Variants in SLC41A3 observed in about 807,000 individuals in gnomAD.
SLC41A3 encodes the protein solute carrier family 41 member 3, also known as SLC41A1-like 2.
SLC41A3 carries 44 observed loss-of-function variants against 45.4 expected under a neutral mutation model. The ratio of observed to expected loss-of-function variants is 0.97; its 90% CI spans 0.76 to 1.25. The LOEUF (loss-of-function observed/expected upper bound fraction) is 1.25, where lower values mean the gene tolerates loss of function less well. SLC41A3 is among the 50% of genes most tolerant of loss of function. SLC41A3 has a pLI of 0.00. For synonymous variants in SLC41A3, 256 were observed against 252.4 expected (o/e 1.01, Z -0.13); for missense variants, 550 against 600.6 (o/e 0.92, Z 0.88).
chr3:126,074,140 A>G (rs527832845), intron 1 of SLC41A3, among the ~76,000 whole-genome samples: 7 of 152,222 alleles, frequency 4.6e-5, no homozygotes, highest in African/African-American at 1.2e-4. Flanking sequence ...CTTTCACGAT[A>G]AAAACACTTT....
intron 2 of SLC41A3, among the ~76,000 whole-genome samples, chr3:126,062,161 T>C (rs1245902929): frequency 6.6e-6 from 1 of 152,216 alleles, no homozygotes; most frequent in Non-Finnish European, 1.5e-5. Flanking sequence ...ATATGGCTCA[T>C]TCCTAAACCT....
chr3:126,067,376 TA>T (rs1944404118), intron 2 of SLC41A3: 2 of 164,994 alleles, frequency 1.2e-5, no homozygotes, highest in African/African-American at 4.8e-5. Flanking sequence ...ACACAGCCTT[TA>T]AGAGGTAATT....
chr3:126,088,960 T>C (rs1488370223), upstream of SLC41A3, among the ~76,000 whole-genome samples: 4 of 152,210 alleles, frequency 2.6e-5, no homozygotes, highest in African/African-American at 7.2e-5. Context: ...GTTAGTCTAG[T>C]GGACCAGATA....
intron 3 of SLC41A3, among the ~76,000 whole-genome samples, chr3:126,040,091 G>A (rs1391698528): frequency 6.6e-6 from 1 of 152,226 alleles, no homozygotes; most frequent in African/African-American, 2.4e-5. Flanking sequence ...CCCAAGAGCG[G>A]GTGGGGCATG....
chr3:126,040,881 C>G (rs1425078202), intron 3 of SLC41A3, among the ~76,000 whole-genome samples: 1 of 152,140 alleles, frequency 6.6e-6, no homozygotes, highest in East Asian at 1.9e-4. Flanking sequence ...CCACAAGCCT[C>G]TGAGTTTGAA....
In SLC41A3 at chr3:126,028,329, C is replaced by T. The variant is rs554266139; in HGVS notation, c.454-1850G>A. ...GCCTCAGGACACTCTGTCCCATGTC[C>T]CAGTCGCTCAAGCTCCAGTCATGGC... On this transcript the variant is annotated intron_variant, in intron 4 of 10. Transcript: ENST00000360370. Among the ~76,000 whole-genome samples, 83 of 77,964 alleles carry T rather than the reference C, an allele frequency of 1.1e-3. 2 individuals are homozygous for T. The South Asian group carries it at 0.029, about 28-fold the overall frequency. The allele number at this position is 77,964 out of a possible 152,430, so 51.1% of individuals were successfully genotyped here. A position where few individuals can be genotyped will look rare whatever the true frequency, so the allele number is the denominator to read the frequency against.
chr3:126,059,298 G>GAAAGAAAGA (rs1559869997), intron 2 of SLC41A3, among the ~76,000 whole-genome samples: 12 of 126,974 alleles, frequency 9.5e-5, no homozygotes, highest in South Asian at 2.5e-4. Flanking sequence ...AAGAAAGAAA[G>GAAAGAAAGA]AAAGAAAGAA....
chr3:126,071,474 A>C (rs1944613530), intron 1 of SLC41A3, among the ~76,000 whole-genome samples: 1 of 152,250 alleles, frequency 6.6e-6, no homozygotes, highest in East Asian at 1.9e-4. Context: ...CTCACTTCCA[A>C]CAATTGATAA....
At chr3:126,047,809 A>G (rs1943061588) in intron 3 of SLC41A3, among the ~76,000 whole-genome samples, 1 of 152,216 alleles carries the variant, frequency 6.6e-6, no homozygotes, top group Admixed American at 6.5e-5. Flanking sequence ...CATAGGCAAA[A>G]AGTTTCAAGG....
intron 3 of SLC41A3, among the ~76,000 whole-genome samples, chr3:126,037,185 C>T (rs1257511818): frequency 1.3e-5 from 2 of 152,152 alleles, no homozygotes; most frequent in Non-Finnish European, 1.5e-5. Context: ...CTAGCACCTC[C>T]TTCCCTTCTC....
chr3:126,032,250 C>T (rs1941852442), intron 4 of SLC41A3, among the ~76,000 whole-genome samples: 1 of 152,184 alleles, frequency 6.6e-6, no homozygotes, highest in Non-Finnish European at 1.5e-5. Context: ...AAAGGCCACC[C>T]AGGTGGCCAG....
At chr3:126,095,426 A>G in intron 1 of SLC41A3, 1 of 488,518 alleles carries the variant, frequency 2.0e-6, no homozygotes, top group Non-Finnish European at 3.6e-6. Context: ...AAAGCGAGAC[A>G]GCCAGTCACA....
chr3:126,019,480 CAG>C (rs1239833335), intron 6 of SLC41A3, among the ~76,000 whole-genome samples: 2 of 152,168 alleles, frequency 1.3e-5, no homozygotes, highest in Non-Finnish European at 2.9e-5. Context: ...CCCCATAGCC[CAG>C]AGTCTTAACT....
chr3:126,083,293 T>G (rs1028610469), intron 1 of SLC41A3, among the ~76,000 whole-genome samples: 2 of 152,138 alleles, frequency 1.3e-5, no homozygotes, highest in African/African-American at 4.8e-5. Context: ...GGAAAGGCAG[T>G]GCTGCTGGTC....
At chr3:126,098,613 G>T (rs1293056643) in intron 1 of SLC41A3, among the ~76,000 whole-genome samples, 1 of 152,254 alleles carries the variant, frequency 6.6e-6, no homozygotes, top group Non-Finnish European at 1.5e-5. Flanking sequence ...GGAGGTCTGA[G>T]GAATAGGGAG....
intron 3 of SLC41A3, among the ~76,000 whole-genome samples, chr3:126,049,045 AATCCCAGCACTTTGGG>A (rs1172296563): frequency 6.6e-6 from 1 of 152,248 alleles, no homozygotes; most frequent in Non-Finnish European, 1.5e-5. Context: ...TCACGCCTGT[AATCCCAGCACTTTGGG>A]AGGCCAAGGC....
intron 1 of SLC41A3, among the ~76,000 whole-genome samples, chr3:126,071,572 C>T (rs1036035820): frequency 2.0e-5 from 3 of 152,070 alleles, no homozygotes; most frequent in Admixed American, 2.0e-4. Context: ...CAAAACACTC[C>T]GCGCAACAAT....
At chr3:126,048,100 C>T (rs958010639) in intron 3 of SLC41A3, among the ~76,000 whole-genome samples, 4 of 152,084 alleles carry the variant, frequency 2.6e-5, no homozygotes, top group African/African-American at 7.2e-5. Context: ...AGAAGACATA[C>T]AAACGGCCAA....
intron 1 of SLC41A3, among the ~76,000 whole-genome samples, chr3:126,098,138 C>T (rs1272439349): frequency 6.6e-6 from 1 of 152,120 alleles, no homozygotes; most frequent in African/African-American, 2.4e-5. Flanking sequence ...GAATTGGGTC[C>T]CTGCAAATTC....
Sources: gnomAD v4.1 joint callset for allele counts (sites outside exome capture counted in the v4.1 genomes callset) on GRCh38, gnomAD v4.1.1 for gene constraint, MANE v1.5 for transcripts, NCBI Gene and HGNC (gene_info 2026-07-23, HGNC 2026-07-21) for gene names.